FAM168B: variants seen among roughly 807,000 people sequenced by gnomAD.
FAM168B encodes the protein family with sequence similarity 168 member B, also known as myelin-associated neurite-outgrowth inhibitor.
FAM168B carries 19 observed loss-of-function variants against 21.8 expected under a neutral mutation model. The observed-to-expected ratio is 0.87, with a 90% CI of 0.61 to 1.28. The LOEUF (loss-of-function observed/expected upper bound fraction) is 1.28, where lower values mean the gene tolerates loss of function less well. FAM168B is among the 50% of genes most tolerant of loss of function. The probability of loss-of-function intolerance (pLI) is 0.00; values close to 1 mark genes in which losing one functional copy is unlikely to be tolerated. For missense variants in FAM168B, 233 were observed against 263.1 expected (o/e 0.89, Z 0.79); for synonymous variants, 126 against 104.8 (o/e 1.20, Z -1.24).
intron 2 of FAM168B, among the ~76,000 whole-genome samples, chr2:131,075,527 C>G (rs749188634): frequency 6.6e-6 from 1 of 150,872 alleles, no homozygotes; most frequent in Non-Finnish European, 1.5e-5. Flanking sequence ...CGGAGTCTTG[C>G]TCTGTCGCCC....
intron 3 of FAM168B, 126 bp from the exon 4 acceptor site, chr2:131,055,821 C>T (rs956188346): frequency 3.4e-5 from 38 of 1,105,196 alleles, no homozygotes; most frequent in Middle Eastern, 5.9e-4. Flanking sequence ...CTGCCACTGC[C>T]GCCCCCACTC....
At chr2:131,059,387 C>G (rs1692182395) in intron 3 of FAM168B, among the ~76,000 whole-genome samples, 1 of 152,130 alleles carries the variant, frequency 6.6e-6, no homozygotes, top group African/African-American at 2.4e-5. Context: ...TCTCCCCAGC[C>G]ACACCACCTC....
chr2:131,052,624 T>C (rs1052685922), intron 6 of FAM168B, among the ~76,000 whole-genome samples, 172 bp from the exon 7 acceptor site: 1 of 152,184 alleles, frequency 6.6e-6, no homozygotes, highest in Non-Finnish European at 1.5e-5. Context: ...TGGAGCCCTA[T>C]TTCCTGTAGC....
chr2:131,078,279 G>A (rs1280590087), intron 2 of FAM168B, among the ~76,000 whole-genome samples: 1 of 152,002 alleles, frequency 6.6e-6, no homozygotes, highest in African/African-American at 2.4e-5. Flanking sequence ...AACAGAAGAT[G>A]GAGAAAATAC....
intron 3 of FAM168B, among the ~76,000 whole-genome samples, chr2:131,065,811 A>G (rs1311463029): frequency 6.6e-6 from 1 of 151,660 alleles, no homozygotes; most frequent in Non-Finnish European, 1.5e-5. Flanking sequence ...AAAAAAGAAA[A>G]AAAAAAAAAA....
Position 131,082,389 on chromosome 2 carries a change from A to G in FAM168B, c.70+188T>C, listed in dbSNP as rs116592494. 5.7e-3 allele frequency among the ~76,000 whole-genome samples: 871 copies of G among 152,316 alleles called. 6 individuals are homozygous for G. The highest frequency in any genetic ancestry group is 0.019 in the African/African-American group (799 of 41,574). On this transcript the variant is annotated intron_variant, in intron 2 of 6. Coordinates refer to ENST00000389915, the MANE Select transcript of FAM168B (RefSeq NM_001009993.4). The stretch of plus-strand genomic sequence containing the variant: ...GTAGAGAAACTAGATCCTGGTCCCA[A>G]CTGCTGGAGCCACTAGATCAAGTTT...
intron 3 of FAM168B, among the ~76,000 whole-genome samples, chr2:131,058,272 T>C (rs1692123911): frequency 6.6e-6 from 1 of 152,186 alleles, no homozygotes; most frequent in Non-Finnish European, 1.5e-5. Context: ...TGGTGAAGTC[T>C]GGGCTTTTTC....
Position 131,049,668 on chromosome 2 carries a change from T to C in FAM168B, c.*2797A>G, listed in dbSNP as rs186953956. 2.9e-5 allele frequency: 29 copies of C among 985,724 alleles called. No homozygotes were observed. In the African/African-American group the frequency reaches 4.9e-4, roughly 17 times the overall value. 61.1% of individuals were successfully genotyped at this position (985,724 alleles called of 1,614,324 possible). ...AATATTTTTTAAATAGCCATCATGA[T>C]GTCCATGTTTACATGAACTAGGTCC... On this transcript the variant is annotated 3_prime_UTR_variant, in exon 7 of 7. Coordinates refer to ENST00000389915, the MANE Select transcript of FAM168B (RefSeq NM_001009993.4).
chr2:131,089,895 G>A (rs919794488), intron 1 of FAM168B, among the ~76,000 whole-genome samples: 1 of 151,238 alleles, frequency 6.6e-6, no homozygotes, highest in African/African-American at 2.4e-5. Flanking sequence ...AGCCAGCGGT[G>A]GTGGTGCACA....
chr2:131,066,006 A>G (rs1039884325), intron 3 of FAM168B, among the ~76,000 whole-genome samples: 1 of 152,248 alleles, frequency 6.6e-6, no homozygotes, highest in Admixed American at 6.5e-5. Flanking sequence ...ATACATTCCT[A>G]GAAGTGGGTC....
In FAM168B at chr2:131,051,279, A is replaced by G; in HGVS notation, c.*1186T>C. The G allele has an allele frequency of 1.7e-5, 17 of 985,396 alleles. No homozygotes were observed. The highest frequency in any genetic ancestry group is 2.0e-5 in the Non-Finnish European group (17 of 829,930). 61.0% of individuals were successfully genotyped at this position (985,396 alleles called of 1,614,324 possible). On this transcript the variant is annotated 3_prime_UTR_variant, in exon 7 of 7. Coordinates refer to ENST00000389915, the MANE Select transcript of FAM168B (RefSeq NM_001009993.4). ...CAGGTGGGTGATCCCAGAAGCAGCT[A>G]CAGGTTTCTACATTTCCAGACATAT...
chr2:131,090,341 A>G (rs1190403687), intron 1 of FAM168B, among the ~76,000 whole-genome samples: 1 of 148,664 alleles, frequency 6.7e-6, no homozygotes, highest in African/African-American at 2.5e-5. Context: ...AAAAAAAAAG[A>G]AAGAAAGACC....
intron 3 of FAM168B, among the ~76,000 whole-genome samples, chr2:131,056,806 A>G (rs763103039): frequency 1.3e-5 from 2 of 152,200 alleles, no homozygotes; most frequent in Non-Finnish European, 2.9e-5. Context: ...ACCATGTCAA[A>G]GGAGCCAGAT....
At chr2:131,055,743 C>T (rs1279494478) in intron 3 of FAM168B, 48 bp from the exon 4 acceptor site, 16 of 1,594,912 alleles carry the variant, frequency 1.0e-5, no homozygotes, top group African/African-American at 2.7e-5. Context: ...CCGGTCCAGG[C>T]GCAGGGAGAG....
At position 131,052,388 on chromosome 2, in the gene FAM168B, C is replaced by T; in HGVS notation, c.*77G>A. On this transcript the variant is annotated 3_prime_UTR_variant, in exon 7 of 7. Transcript: ENST00000389915. ...TTAAGAAGAAAGTCCTGGTTGGAGG[C>T]GCAAGGCCTGCAGCACCAGCTGTGG... 4.1e-6 allele frequency: 4 copies of T among 986,882 alleles called. No individual in the cohort carries two copies. The highest frequency in any genetic ancestry group is 1.7e-5 in the African/African-American group (1 of 57,368). The allele number at this position is 986,882 out of a possible 1,614,324, so 61.1% of individuals were successfully genotyped here.
chr2:131,050,744 G>C lies in FAM168B; in HGVS notation c.*1721C>G. The C allele has an allele frequency of 2.0e-6, 2 of 985,406 alleles. No homozygotes were observed. Among genetic ancestry groups the C allele is most frequent in the Non-Finnish European group, 2.4e-6 (2 of 829,930 alleles). The allele number at this position is 985,406 out of a possible 1,614,324, so 61.0% of individuals were successfully genotyped here. A position where few individuals can be genotyped will look rare whatever the true frequency, so the allele number is the denominator to read the frequency against. On this transcript the variant is annotated 3_prime_UTR_variant, in exon 7 of 7. Transcript: ENST00000389915. ...GTCCCCCCACCAACCAACTGGGGCA[G>C]AATGCTAGTGGGCATCCTCACTGGG... is the stretch of plus-strand genomic sequence containing the variant.
chr2:131,066,119 G>A (rs989504643), intron 3 of FAM168B, among the ~76,000 whole-genome samples: 3 of 151,218 alleles, frequency 2.0e-5, no homozygotes, highest in African/African-American at 7.3e-5. Flanking sequence ...AATGACCATG[G>A]AAGCTATTTC....
At position 131,091,965 on chromosome 2, in the gene FAM168B, TA is replaced by T. The variant is rs57542340; in HGVS notation, c.-12+1248del. Among the ~76,000 whole-genome samples the T allele has an allele frequency of 9.7e-3, 1,255 of 128,750 alleles. 8 individuals are homozygous for T. The highest frequency in any genetic ancestry group is 0.027 in the African/African-American group (958 of 35,614). 84.5% of individuals were successfully genotyped at this position (128,750 alleles called of 152,430 possible). The stretch of plus-strand genomic sequence containing the variant: ...TAACACGGTGAAACCTCGTCTCTAC[TA>T]AAAAAAAAAAAAAACAAATACAAAA... On this transcript the variant is annotated intron_variant, in intron 1 of 6. Transcript: ENST00000389915.
In FAM168B at chr2:131,057,955, C is replaced by T. The variant is rs557777325; in HGVS notation, c.155-2260G>A. Among the ~76,000 whole-genome samples, 13 of 152,108 alleles carry T rather than the reference C, an allele frequency of 8.5e-5. 1 individual carries two copies. The South Asian group carries it at 2.3e-3, about 27-fold the overall frequency. On this transcript the variant is annotated intron_variant, in intron 3 of 6. Coordinates refer to ENST00000389915, the MANE Select transcript of FAM168B (RefSeq NM_001009993.4). ...AAGCAATTCTCATGCCCCAGCCACC[C>T]GAGTAGCTGGGATTGCAGGCATGTG...
Sources: gnomAD v4.1 joint callset for allele counts (sites outside exome capture counted in the v4.1 genomes callset) on GRCh38, gnomAD v4.1.1 for gene constraint, MANE v1.5 for transcripts, NCBI Gene and HGNC (gene_info 2026-07-23, HGNC 2026-07-21) for gene names.